Variants in ZNF407 observed in about 807,000 individuals in gnomAD.
ZNF407 encodes the protein zinc finger protein 407.
A neutral mutation model predicts 131.2 loss-of-function variants in ZNF407; 17 were observed. That is an observed-to-expected ratio of 0.13 (90% confidence interval 0.09 to 0.19). ZNF407 has a LOEUF of 0.19. Ranked by LOEUF, ZNF407 falls within the 10% of genes least tolerant of loss-of-function variation. The pLI is 1.00. For synonymous variants in ZNF407, 1,156 were observed against 1,062.0 expected (o/e 1.09, Z -1.72); for missense variants, 2,681 against 2,830.6 (o/e 0.95, Z 1.20).
At chr18:75,020,982 C>T (rs923331663) in intron 8 of ZNF407, among the ~76,000 whole-genome samples, 3 of 152,240 alleles carry the variant, frequency 2.0e-5, no homozygotes, top group Non-Finnish European at 4.4e-5. Flanking sequence ...AGACCAGACA[C>T]TGAGCCCGGA....
At chr18:74,794,216 G>A (rs998020095) in intron 4 of ZNF407, among the ~76,000 whole-genome samples, 1 of 152,142 alleles carries the variant, frequency 6.6e-6, no homozygotes, top group Non-Finnish European at 1.5e-5. Context: ...TGATGTCAGC[G>A]TCTTCACGTG....
chr18:74,725,886 T>C (rs1434972141), intron 3 of ZNF407, among the ~76,000 whole-genome samples: 1 of 152,162 alleles, frequency 6.6e-6, no homozygotes, highest in African/African-American at 2.4e-5. Flanking sequence ...TGCAACTTCT[T>C]TTTGTGGATT....
At chr18:74,794,853 T>C (rs899175361) in intron 4 of ZNF407, among the ~76,000 whole-genome samples, 1 of 152,188 alleles carries the variant, frequency 6.6e-6, no homozygotes, top group Non-Finnish European at 1.5e-5. Context: ...ATTTTAGTAA[T>C]TGGTGGCAAA....
At chr18:75,014,667 G>T (rs56889950) in intron 8 of ZNF407, among the ~76,000 whole-genome samples, 1 of 151,996 alleles carries the variant, frequency 6.6e-6, no homozygotes. Context: ...GAATTTTAGT[G>T]CATTGAGGGT....
intron 3 of ZNF407, among the ~76,000 whole-genome samples, chr18:74,680,391 A>G (rs925514296): frequency 2.3e-4 from 26 of 112,830 alleles, no homozygotes; most frequent in African/African-American, 8.5e-4. Flanking sequence ...CCTGGGTGAG[A>G]CCTTGCCTTA....
chr18:74,969,175 GTTTATAA>G (rs1356157980), intron 8 of ZNF407, among the ~76,000 whole-genome samples: 1 of 152,200 alleles, frequency 6.6e-6, no homozygotes, highest in African/African-American at 2.4e-5. Flanking sequence ...TTTCACGAGA[GTTTATAA>G]TTTATGGTGA....
chr18:74,936,582 G>T (rs915023611), intron 8 of ZNF407, among the ~76,000 whole-genome samples: 3 of 152,170 alleles, frequency 2.0e-5, no homozygotes, highest in Admixed American at 2.0e-4. Flanking sequence ...AGAAGACTCC[G>T]TAAGGGGAAC....
chr18:74,652,032 A>G (rs1985249914), intron 3 of ZNF407, among the ~76,000 whole-genome samples: 1 of 152,152 alleles, frequency 6.6e-6, no homozygotes. Flanking sequence ...TCCTGTAGGT[A>G]AAGATGACTT....
At chr18:75,022,313 T>G (rs4891219) in intron 8 of ZNF407, among the ~76,000 whole-genome samples, 22,024 of 152,114 alleles carry the variant, frequency 0.14, 1,818 homozygotes, top group Admixed American at 0.27. Flanking sequence ...AGAAAGAAAG[T>G]GAGAGAACTA....
chr18:74,913,357 A>G (rs1423768666), intron 7 of ZNF407, among the ~76,000 whole-genome samples: 1 of 152,200 alleles, frequency 6.6e-6, no homozygotes, highest in East Asian at 1.9e-4. Flanking sequence ...CCACACTGAA[A>G]TACTATGAAG....
chr18:74,932,580 G>A (rs1190345450), intron 8 of ZNF407, among the ~76,000 whole-genome samples: 1 of 151,944 alleles, frequency 6.6e-6, no homozygotes, highest in Non-Finnish European at 1.5e-5. Context: ...CCTGATATTT[G>A]TTATAACCAA....
intron 8 of ZNF407, among the ~76,000 whole-genome samples, chr18:74,978,214 G>A (rs951979818): frequency 2.0e-5 from 3 of 152,148 alleles, no homozygotes; most frequent in Non-Finnish European, 1.5e-5. Flanking sequence ...ATTTGGATGC[G>A]AGAAAATAGC....
At chr18:74,785,619 A>T (rs17055099) in intron 4 of ZNF407, among the ~76,000 whole-genome samples, 5 of 152,078 alleles carry the variant, frequency 3.3e-5, no homozygotes, top group African/African-American at 9.7e-5. Flanking sequence ...TTGCATATTT[A>T]TAAGTTGAAG....
intron 8 of ZNF407, among the ~76,000 whole-genome samples, chr18:75,059,602 A>G (rs8082965): frequency 0.015 from 2,301 of 152,310 alleles, 56 homozygotes; most frequent in African/African-American, 0.047. Flanking sequence ...GAGAAATTGC[A>G]AGCATACCAG....
chr18:74,981,452 C>G (rs1248600559), intron 8 of ZNF407, among the ~76,000 whole-genome samples: 1 of 152,204 alleles, frequency 6.6e-6, no homozygotes, highest in Non-Finnish European at 1.5e-5. Flanking sequence ...ATTTGGACTT[C>G]CAAGAAGCTT....
At chr18:74,698,814 G>T (rs1399666078) in intron 3 of ZNF407, among the ~76,000 whole-genome samples, 1 of 152,130 alleles carries the variant, frequency 6.6e-6, no homozygotes, top group African/African-American at 2.4e-5. Context: ...GGAGGTATAA[G>T]TTGGGAAAGA....
At chr18:74,851,664 T>G (rs1314901964) in intron 4 of ZNF407, among the ~76,000 whole-genome samples, 1 of 152,172 alleles carries the variant, frequency 6.6e-6, no homozygotes, top group Non-Finnish European at 1.5e-5. Flanking sequence ...TTGTTATATT[T>G]GGGAAATTCT....
At chr18:74,920,428 A>T (rs1168669386) in intron 7 of ZNF407, 86 bp from the exon 8 acceptor site, 5 of 1,126,140 alleles carry the variant, frequency 4.4e-6, no homozygotes, top group Non-Finnish European at 6.2e-6. Context: ...AAACACATAC[A>T]GACAGTGTTA....
chr18:74,748,431 A>G (rs1290454848), intron 3 of ZNF407, among the ~76,000 whole-genome samples: 1 of 152,126 alleles, frequency 6.6e-6, no homozygotes, highest in Non-Finnish European at 1.5e-5. Context: ...AAAATTACAC[A>G]TTACAGGTTT....
Sources: allele counts gnomAD v4.1 joint callset (sites outside exome capture counted in the v4.1 genomes callset), GRCh38; gene constraint gnomAD v4.1.1; transcripts MANE v1.5; gene names NCBI Gene and HGNC (gene_info 2026-07-23, HGNC 2026-07-21).